ANK3: variants seen among roughly 807,000 people sequenced by gnomAD.
ANK3 encodes the protein ankyrin 3.
ANK3 carries 57 observed loss-of-function variants against 370.9 expected under a neutral mutation model. The observed-to-expected ratio is 0.15, with a 90% CI of 0.12 to 0.19. The LOEUF (loss-of-function observed/expected upper bound fraction) is 0.19. ANK3 is among the 10% of genes least tolerant of loss of function. ANK3 has a pLI of 1.00. For missense variants in ANK3, 4,439 were observed against 5,302.1 expected, an observed-to-expected ratio of 0.84 and a Z score of 5.06; for synonymous variants, 1,929 against 1,946.3, an observed-to-expected ratio of 0.99 and a Z score of 0.23.
At chr10:60,454,033 T>A (rs7087691) in intron 2 of ANK3, among the ~76,000 whole-genome samples, 47,305 of 152,088 alleles carry the variant, frequency 0.31, 7,517 homozygotes, top group South Asian at 0.46. Flanking sequence ...TTTTCCTATA[T>A]GCAAATTAGG....
At chr10:60,330,115 C>T (rs371750429) in intron 1 of ANK3, among the ~76,000 whole-genome samples, 1 of 152,156 alleles carries the variant, frequency 6.6e-6, no homozygotes, top group Non-Finnish European at 1.5e-5. Context: ...CCCTTGCTTA[C>T]ACCTTATACA....
At chr10:60,411,542 G>A (rs1437090150) in intron 2 of ANK3, among the ~76,000 whole-genome samples, 1 of 152,178 alleles carries the variant, frequency 6.6e-6, no homozygotes, top group Non-Finnish European at 1.5e-5. Context: ...GAGGGGTGGA[G>A]GTGGGGAACA....
At chr10:60,269,644 C>T (rs898602735) in intron 5 of ANK3, among the ~76,000 whole-genome samples, 20 of 124,896 alleles carry the variant, frequency 1.6e-4, no homozygotes, top group Admixed American at 1.5e-3. Flanking sequence ...GACTCCATCC[C>T]CCCTCCCCCC....
chr10:60,398,277 A>G (rs1247463315), intron 2 of ANK3, among the ~76,000 whole-genome samples: 1 of 152,240 alleles, frequency 6.6e-6, no homozygotes, highest in African/African-American at 2.4e-5. Flanking sequence ...CTTACAGGCT[A>G]TACCAAAATA....
chr10:60,660,700 C>A (rs971969599), intron 1 of ANK3, among the ~76,000 whole-genome samples: 3 of 151,870 alleles, frequency 2.0e-5, no homozygotes, highest in African/African-American at 7.3e-5. Flanking sequence ...TGGAAGGATT[C>A]CTGGAAGAGC....
chr10:60,070,615 A>T lies in ANK3; in HGVS notation c.10266T>A (p.Asp3422Glu), dbSNP rs376290283. The change falls in exon 37 of 44, where the codon GAT (aspartate) becomes GAA (glutamate). Residue 3422 changes from aspartate to glutamate, a missense_variant. Asp to Glu is a conservative substitution (Grantham distance 45). Coordinates refer to ENST00000280772, the MANE Select transcript of ANK3 (RefSeq NM_020987.5). This position sits in a 1 kb window ranked among gnomAD's most constrained non-coding sequence, Gnocchi z 5.7. Reference sequence around the variant, plus strand: ...CACTCTCTGTCAAGCCATCATCTTCATCTTGCAGGTCATAGCCATCCAGAG... The same window carrying T: ...CACTCTCTGTCAAGCCATCATCTTCTTCTTGCAGGTCATAGCCATCCAGAG... ...IDSLDGYDLQDEDDGLTESDS... is the reference protein window; with the variant it reads ...IDSLDGYDLQEEDDGLTESDS... 6.2e-7 allele frequency: 1 copy of T among 1,613,900 alleles called. No homozygotes were observed. The highest frequency in any genetic ancestry group is 1.3e-5 in the African/African-American group (1 of 74,878).
At chr10:60,291,090 GA>G (rs1271396111) in intron 1 of ANK3, among the ~76,000 whole-genome samples, 2 of 151,944 alleles carry the variant, frequency 1.3e-5, no homozygotes, top group East Asian at 1.9e-4. Flanking sequence ...ATATAGAGAA[GA>G]AAAAAAATTT....
At chr10:60,575,362 G>C (rs2133272653) in intron 2 of ANK3, among the ~76,000 whole-genome samples, 1 of 151,934 alleles carries the variant, frequency 6.6e-6, no homozygotes, top group Admixed American at 6.6e-5. Context: ...GACGTTTGAA[G>C]ACTGGATTAT....
chr10:60,644,383 T>C (rs1011613312), intron 1 of ANK3, among the ~76,000 whole-genome samples: 2 of 152,218 alleles, frequency 1.3e-5, no homozygotes, highest in African/African-American at 4.8e-5. Context: ...GAAAAAGGAA[T>C]CTTCAAAAAT....
At chr10:60,464,287 T>C (rs1013694583) in intron 2 of ANK3, among the ~76,000 whole-genome samples, 2 of 152,258 alleles carry the variant, frequency 1.3e-5, no homozygotes, top group African/African-American at 4.8e-5. Flanking sequence ...TTCTCATCTT[T>C]ACATTTTTAA....
intron 2 of ANK3, among the ~76,000 whole-genome samples, chr10:60,483,940 T>C (rs12785205): frequency 0.36 from 54,540 of 152,082 alleles, 10,246 homozygotes; most frequent in Middle Eastern, 0.42. Flanking sequence ...GCAAAGTGAC[T>C]AGTTGACTTG....
intron 18 of ANK3, among the ~76,000 whole-genome samples, chr10:60,174,531 A>AT (rs11423349): frequency 0.74 from 112,673 of 152,084 alleles, 42,473 homozygotes; most frequent in African/African-American, 0.87. Flanking sequence ...GCTCAGTACA[A>AT]TGGTTTAACT....
At chr10:60,568,215 C>T (rs546183745) in intron 2 of ANK3, among the ~76,000 whole-genome samples, 14 of 152,060 alleles carry the variant, frequency 9.2e-5, no homozygotes, top group Admixed American at 2.0e-4. Flanking sequence ...TTTCACGAAA[C>T]GAAGAGTTTG....
At chr10:60,272,971 C>T (rs1297517793) in intron 4 of ANK3, among the ~76,000 whole-genome samples, 2 of 152,152 alleles carry the variant, frequency 1.3e-5, no homozygotes, top group Admixed American at 1.3e-4. Flanking sequence ...CTCACAGTTT[C>T]CTTCCAGAAC....
chr10:60,070,217 A>G lies in ANK3; in HGVS notation c.10664T>C (p.Phe3555Ser). Residue 3555 changes from phenylalanine (F) to serine (S), a missense_variant, in exon 37 of 44, where the codon TTT (phenylalanine) becomes TCT (serine). Phe to Ser is a radical substitution (Grantham distance 155, BLOSUM62 -2). Coordinates refer to ENST00000280772, the MANE Select transcript of ANK3 (RefSeq NM_020987.5). The surrounding 1 kb of genome is among the most constrained non-coding windows in gnomAD (Gnocchi z 5.7). ...TTCATCTTCCCGTGATTTACTGTCA[A>G]AAACTTCATCATCCCCTCGGTTATT... ...WSNNRGDDEV[F>S]DSKSREDETK... 6.2e-7 allele frequency: 1 copy of G among 1,614,144 alleles called. No individual in the cohort carries two copies. The highest frequency in any genetic ancestry group is 8.5e-7 in the Non-Finnish European group (1 of 1,180,008).
At chr10:60,065,397 T>C (rs776728227) in intron 38 of ANK3, among the ~76,000 whole-genome samples, 7 of 152,114 alleles carry the variant, frequency 4.6e-5, no homozygotes, top group African/African-American at 9.7e-5. Flanking sequence ...AAGTAAGAAA[T>C]GGGCAAAAAT....
chr10:60,721,850 A>G (rs7088028), intron 1 of ANK3, among the ~76,000 whole-genome samples: 1 of 152,154 alleles, frequency 6.6e-6, no homozygotes, highest in Non-Finnish European at 1.5e-5. Context: ...TTTAATTGAC[A>G]CCTTCATCAT....
chr10:60,274,681 C>T (rs1270711515), intron 4 of ANK3, among the ~76,000 whole-genome samples: 2 of 152,152 alleles, frequency 1.3e-5, no homozygotes, highest in Non-Finnish European at 2.9e-5. Context: ...CTCCCACTCT[C>T]CACCCCAGCT....
intron 1 of ANK3, among the ~76,000 whole-genome samples, chr10:60,714,791 AC>A (rs1226264844): frequency 6.6e-6 from 1 of 152,196 alleles, no homozygotes; most frequent in Non-Finnish European, 1.5e-5. Flanking sequence ...AGAGTTTGAG[AC>A]CAGCCTGGGC....
Sources: gnomAD v4.1 joint callset for allele counts (sites outside exome capture counted in the v4.1 genomes callset) on GRCh38, gnomAD v4.1.1 for gene constraint, Gnocchi (gnomAD v3.1) non-coding constraint, MANE v1.5 for transcripts, NCBI Gene and HGNC (gene_info 2026-07-23, HGNC 2026-07-21) for gene names.